Variants in TTLL5 observed in about 807,000 individuals in gnomAD.
TTLL5 encodes tubulin tyrosine ligase like 5, also known as tubulin polyglutamylase TTLL5.
TTLL5 carries 132 observed loss-of-function variants against 168.4 expected under a neutral mutation model. The observed-to-expected ratio is 0.78, with a 90% CI of 0.68 to 0.91. The LOEUF is 0.91. TTLL5 is among the 40% of genes least tolerant of loss of function. The pLI is 0.00. For synonymous variants in TTLL5, 546 were observed against 558.6 expected, an observed-to-expected ratio of 0.98 and a Z score of 0.32; for missense variants, 1,545 against 1,581.5, an observed-to-expected ratio of 0.98 and a Z score of 0.39.
chr14:75,830,592 A>C (rs755774590), intron 28 of TTLL5, among the ~76,000 whole-genome samples: 1 of 152,230 alleles, frequency 6.6e-6, no homozygotes, highest in Non-Finnish European at 1.5e-5. Context: ...TTAATGAAAC[A>C]TGAAAGATAA....
chr14:75,889,845 GA>G (rs1364019289), intron 30 of TTLL5, among the ~76,000 whole-genome samples: 8 of 9,498 alleles, frequency 8.4e-4, no homozygotes, highest in Non-Finnish European at 1.1e-3. Flanking sequence ...AAAAAAAAAA[GA>G]GGAAGGAAGG....
At chr14:75,808,974 A>AAT (rs143754403) in intron 27 of TTLL5, among the ~76,000 whole-genome samples, 317 of 148,714 alleles carry the variant, frequency 2.1e-3, no homozygotes, top group African/African-American at 4.0e-3. Flanking sequence ...ATATATAAGG[A>AAT]ATATATATAT....
At chr14:75,855,672 G>A (rs1337002049) in intron 28 of TTLL5, among the ~76,000 whole-genome samples, 1 of 152,152 alleles carries the variant, frequency 6.6e-6, no homozygotes, top group East Asian at 1.9e-4. Flanking sequence ...ATCTCTGACT[G>A]ACCCCTGACT....
intron 9 of TTLL5, chr14:75,712,493 C>T (rs1261618371): frequency 1.1e-5 from 1 of 91,802 alleles, no homozygotes; most frequent in African/African-American, 5.0e-5. Flanking sequence ...TTTAAGAAAA[C>T]AGCAGGACAA....
intron 12 of TTLL5, among the ~76,000 whole-genome samples, chr14:75,721,557 G>C: frequency 6.6e-6 from 1 of 152,102 alleles, no homozygotes; most frequent in East Asian, 1.9e-4. Flanking sequence ...AAAGAATATG[G>C]GTTTTAGAGC....
chr14:75,763,296 G>A (rs368779014), intron 18 of TTLL5, among the ~76,000 whole-genome samples: 3 of 134,990 alleles, frequency 2.2e-5, no homozygotes, highest in African/African-American at 8.7e-5. Context: ...TACTCTTTGG[G>A]ACTCTGATAA....
intron 7 of TTLL5, among the ~76,000 whole-genome samples, chr14:75,705,501 TC>T (rs1002475239): frequency 1.3e-5 from 2 of 152,264 alleles, no homozygotes; most frequent in South Asian, 4.1e-4. Context: ...TGAGGAAGAC[TC>T]CCTGGATTCC....
intron 17 of TTLL5, among the ~76,000 whole-genome samples, chr14:75,747,654 G>A (rs1889694427): frequency 1.3e-5 from 2 of 151,790 alleles, no homozygotes. Context: ...ATCCAGGTTA[G>A]TTCCTCCACT....
intron 28 of TTLL5, among the ~76,000 whole-genome samples, chr14:75,833,459 A>G (rs1183807548): frequency 6.6e-6 from 1 of 152,142 alleles, no homozygotes; most frequent in East Asian, 1.9e-4. Context: ...TTATGACCTA[A>G]TGTTTGAAAG....
intron 28 of TTLL5, among the ~76,000 whole-genome samples, chr14:75,852,138 C>CTGAACCTTG: frequency 6.6e-6 from 1 of 152,286 alleles, no homozygotes; most frequent in South Asian, 2.1e-4. Context: ...GAGCTAGGAT[C>CTGAACCTTG]TGAACCTTGC....
intron 18 of TTLL5, among the ~76,000 whole-genome samples, chr14:75,761,659 C>T (rs968385376): frequency 3.3e-5 from 5 of 152,142 alleles, no homozygotes; most frequent in Non-Finnish European, 5.9e-5. Flanking sequence ...AAATTTACAA[C>T]AGTGATTGCC....
chr14:75,710,524 G>C (rs1887001169), intron 9 of TTLL5: 1 of 152,102 alleles, frequency 6.6e-6, no homozygotes, highest in Admixed American at 6.5e-5. Flanking sequence ...TGAATTTTCA[G>C]GGCTTTGGTT....
At chr14:75,702,930 C>G (rs537944931) in intron 7 of TTLL5, among the ~76,000 whole-genome samples, 1 of 152,236 alleles carries the variant, frequency 6.6e-6, no homozygotes, top group South Asian at 2.1e-4. Flanking sequence ...TCCTGTTTTA[C>G]CCCAAAACTG....
intron 28 of TTLL5, among the ~76,000 whole-genome samples, chr14:75,834,583 C>T (rs1895774615): frequency 6.6e-6 from 1 of 152,172 alleles, no homozygotes; most frequent in South Asian, 2.1e-4. Context: ...TCCCTGCCAT[C>T]CCAGGCAGTC....
rs149505520 is a variant in TTLL5, at chr14:75,806,508, T to C, written c.3171+13408T>C. On this transcript the variant is annotated intron_variant, in intron 27 of 31. Transcript: ENST00000298832. ...CCTGTCTCCCTACTATCACACATGT[T>C]TTTGTGCAGCTCAACTAGAATTTCT... is the stretch of plus-strand genomic sequence containing the variant. Among the ~76,000 whole-genome samples, 26 of 152,338 alleles carry C rather than the reference T, an allele frequency of 1.7e-4. No homozygotes were observed. In the East Asian group the frequency reaches 5.0e-3, roughly 29 times the overall value.
intron 31 of TTLL5, 90 bp from the exon 32 acceptor site, chr14:75,954,334 G>A: frequency 7.5e-7 from 1 of 1,341,682 alleles, no homozygotes; most frequent in South Asian, 1.2e-5. Context: ...TTATTCTTCA[G>A]TGATGTTAGA....
At chr14:75,913,265 C>T (rs1452820322) in intron 31 of TTLL5, among the ~76,000 whole-genome samples, 1 of 152,108 alleles carries the variant, frequency 6.6e-6, no homozygotes, top group Non-Finnish European at 1.5e-5. Context: ...GGCACCATCT[C>T]CCCACTTTTG....
chr14:75,664,046 T>A (rs1161586472), intron 2 of TTLL5, among the ~76,000 whole-genome samples: 1 of 150,244 alleles, frequency 6.7e-6, no homozygotes, highest in Non-Finnish European at 1.5e-5. Context: ...ATCTCACCAT[T>A]GCACTCCAGC....
intron 31 of TTLL5, among the ~76,000 whole-genome samples, chr14:75,935,409 G>A (rs766950423): frequency 6.6e-6 from 1 of 152,162 alleles, no homozygotes; most frequent in Non-Finnish European, 1.5e-5. Context: ...ACTCTCTCTT[G>A]GGTGAGCCTT....
Sources: allele counts gnomAD v4.1 joint callset (sites outside exome capture counted in the v4.1 genomes callset), GRCh38; gene constraint gnomAD v4.1.1; transcripts MANE v1.5; gene names NCBI Gene and HGNC (gene_info 2026-07-23, HGNC 2026-07-21).